CACNA2D1: variants seen among roughly 807,000 people sequenced by gnomAD.
CACNA2D1 encodes voltage-dependent calcium channel subunit alpha-2/delta-1.
In CACNA2D1, 53 loss-of-function variants were observed where a neutral mutation model predicts 171.5. The observed-to-expected ratio is 0.31, with a 90% CI of 0.25 to 0.39. The LOEUF (loss-of-function observed/expected upper bound fraction) is 0.39, where lower values mean the gene tolerates loss of function less well. Among genes scored for constraint, CACNA2D1 ranks in the 10% least tolerant of loss-of-function variants. The pLI is 1.00. For missense variants in CACNA2D1, 903 were observed against 1,299.8 expected (o/e 0.69, Z 4.69); for synonymous variants, 442 against 443.1 (o/e 1.00, Z 0.03).
intron 1 of CACNA2D1, among the ~76,000 whole-genome samples, chr7:82,389,284 G>T (rs1177697868): frequency 6.6e-6 from 1 of 150,880 alleles, no homozygotes; most frequent in African/African-American, 2.4e-5. Flanking sequence ...TTAATAGCCA[G>T]TTTTTTTTAT....
intron 3 of CACNA2D1, among the ~76,000 whole-genome samples, chr7:82,193,201 G>A (rs1051523347): frequency 1.3e-5 from 2 of 151,896 alleles, no homozygotes; most frequent in Non-Finnish European, 2.9e-5. Flanking sequence ...AAACAGGTAC[G>A]ATAAATAATT....
rs148874934 is a variant in CACNA2D1, at chr7:82,382,873, G to A, written c.96-33224C>T. Reference sequence around the variant, plus strand: ...TACTGTTTGTTCCACAAACAAGAACGTAAATGTATTTGGAGACATTTCTGC... The same window carrying A: ...TACTGTTTGTTCCACAAACAAGAACATAAATGTATTTGGAGACATTTCTGC... On this transcript the variant is annotated intron_variant, in intron 1 of 38. Transcript: ENST00000356860. 8.7e-3 allele frequency among the ~76,000 whole-genome samples: 1,332 copies of A among 152,258 alleles called. 21 individuals are homozygous for A. The highest frequency in any genetic ancestry group is 0.012 in the Non-Finnish European group (807 of 68,014).
chr7:82,322,801 A>T (rs889298712), intron 3 of CACNA2D1, among the ~76,000 whole-genome samples: 1 of 152,168 alleles, frequency 6.6e-6, no homozygotes, highest in Non-Finnish European at 1.5e-5. Flanking sequence ...TGAAGAACAG[A>T]TGCAAAGAAC....
At chr7:82,313,967 TC>T (rs1190217014) in intron 3 of CACNA2D1, among the ~76,000 whole-genome samples, 2 of 152,192 alleles carry the variant, frequency 1.3e-5, no homozygotes, top group African/African-American at 4.8e-5. Flanking sequence ...TTTAGATCAA[TC>T]TTTTTTTAAT....
At chr7:82,081,351 A>ATTTTTTTT (rs1809745836) in intron 7 of CACNA2D1, among the ~76,000 whole-genome samples, 3 of 152,204 alleles carry the variant, frequency 2.0e-5, no homozygotes, top group Non-Finnish European at 2.9e-5. Context: ...TTAAAAACAC[A>ATTTTTTTT]GTCTTACAAA....
At chr7:82,287,254 TTTTC>T (rs1554497062) in intron 3 of CACNA2D1, among the ~76,000 whole-genome samples, 1 of 126,268 alleles carries the variant, frequency 7.9e-6, no homozygotes, top group Admixed American at 7.6e-5. Context: ...TGGCTTCTTC[TTTTC>T]TTTCTTTTTT....
intron 12 of CACNA2D1, chr7:82,023,868 C>T (rs1354105565): frequency 6.6e-6 from 1 of 151,790 alleles, no homozygotes; most frequent in East Asian, 1.9e-4. Context: ...CTCTTCGAAT[C>T]TATGAAATTG....
At chr7:82,016,326 C>T (rs1444266955) in intron 12 of CACNA2D1, among the ~76,000 whole-genome samples, 2 of 152,140 alleles carry the variant, frequency 1.3e-5, no homozygotes, top group African/African-American at 4.8e-5. Flanking sequence ...CCAGGAAGCA[C>T]TGGGGGATCT....
At chr7:82,194,991 T>C (rs12112357) in intron 3 of CACNA2D1, among the ~76,000 whole-genome samples, 21,987 of 152,014 alleles carry the variant, frequency 0.14, 2,415 homozygotes, top group African/African-American at 0.28. Context: ...AGTTGCACTC[T>C]TTTATCTTTT....
intron 5 of CACNA2D1, among the ~76,000 whole-genome samples, chr7:82,134,698 T>C (rs993669326): frequency 6.6e-6 from 1 of 152,260 alleles, no homozygotes; most frequent in South Asian, 2.1e-4. Flanking sequence ...TTTTTTTAGA[T>C]GAGAAAATGG....
chr7:82,409,632 T>C (rs1358440554), intron 1 of CACNA2D1, among the ~76,000 whole-genome samples: 1 of 152,162 alleles, frequency 6.6e-6, no homozygotes, highest in African/African-American at 2.4e-5. Context: ...CCCAGGCGAT[T>C]CAAATGTGTA....
chr7:82,289,234 T>A, intron 3 of CACNA2D1, among the ~76,000 whole-genome samples: 1 of 152,192 alleles, frequency 6.6e-6, no homozygotes, highest in East Asian at 1.9e-4. Context: ...CCCCCCAGCA[T>A]GACTTTAAGA....
At chr7:82,346,850 C>T (rs1027125516) in intron 2 of CACNA2D1, among the ~76,000 whole-genome samples, 2 of 152,052 alleles carry the variant, frequency 1.3e-5, no homozygotes, top group African/African-American at 4.8e-5. Context: ...TTTCAAGGTA[C>T]AAATAAGGAT....
intron 3 of CACNA2D1, among the ~76,000 whole-genome samples, chr7:82,231,464 T>C (rs977168413): frequency 2.6e-5 from 4 of 152,134 alleles, no homozygotes; most frequent in South Asian, 4.1e-4. Flanking sequence ...ACATTCACCA[T>C]TCACATTTTC....
intron 1 of CACNA2D1, among the ~76,000 whole-genome samples, chr7:82,434,799 G>C (rs1342044060): frequency 1.3e-5 from 2 of 152,014 alleles, no homozygotes; most frequent in Admixed American, 1.3e-4. Context: ...TTCTGTCCCT[G>C]ACACGCTACT....
chr7:82,197,329 T>C (rs541710851), intron 3 of CACNA2D1, among the ~76,000 whole-genome samples: 1 of 152,174 alleles, frequency 6.6e-6, no homozygotes, highest in East Asian at 1.9e-4. Flanking sequence ...GAATAATACA[T>C]CTGATGTTTT....
intron 24 of CACNA2D1, among the ~76,000 whole-genome samples, chr7:81,978,242 T>A (rs555140822): frequency 3.3e-5 from 5 of 152,294 alleles, no homozygotes. Context: ...ACTGGGTATA[T>A]ACCCAAAGGA....
chr7:82,334,442 C>T (rs983136837), intron 3 of CACNA2D1, among the ~76,000 whole-genome samples: 1 of 152,020 alleles, frequency 6.6e-6, no homozygotes, highest in Non-Finnish European at 1.5e-5. Flanking sequence ...ATTTACCCAC[C>T]TACAGAGACT....
chr7:81,975,300 T>C (rs928897293), intron 24 of CACNA2D1, among the ~76,000 whole-genome samples: 1 of 152,152 alleles, frequency 6.6e-6, no homozygotes, highest in Non-Finnish European at 1.5e-5. Context: ...TTAAAGTTCA[T>C]TACATGTTAA....
Sources: gnomAD v4.1 joint callset for allele counts (sites outside exome capture counted in the v4.1 genomes callset) on GRCh38, gnomAD v4.1.1 for gene constraint, MANE v1.5 for transcripts, NCBI Gene and HGNC (gene_info 2026-07-23, HGNC 2026-07-21) for gene names.